PHF8: variants seen among roughly 807,000 people sequenced by gnomAD.
PHF8 encodes PHD finger protein 8, also known as histone lysine demethylase PHF8.
A neutral mutation model predicts 74.4 loss-of-function variants in PHF8; 9 were observed. The observed-to-expected ratio is 0.12, with a 90% CI of 0.07 to 0.21. The LOEUF is 0.21. PHF8 is among the 10% of genes least tolerant of loss of function. The pLI is 1.00. For missense variants in PHF8, 478 were observed against 816.6 expected, an observed-to-expected ratio of 0.59 and a Z score of 5.05; for synonymous variants, 311 against 316.6, an observed-to-expected ratio of 0.98 and a Z score of 0.19.
At chrX:53,989,715 C>T (rs1407525612) in intron 14 of PHF8, among the ~76,000 whole-genome samples, 1 of 111,811 alleles carries the variant, frequency 8.9e-6, no homozygotes, top group African/African-American at 3.3e-5. Context: ...TAAATTGATA[C>T]ATTTAGCAAC....
chrX:53,952,273 G>A (rs2064936977), intron 19 of PHF8, among the ~76,000 whole-genome samples: 1 of 98,973 alleles, frequency 1.0e-5, no homozygotes, highest in African/African-American at 4.0e-5. Flanking sequence ...GACAGTGCGA[G>A]ACTCTGTCTC....
chrX:54,029,244 C>T (rs1262399251), intron 2 of PHF8, among the ~76,000 whole-genome samples: 2 of 111,852 alleles, frequency 1.8e-5, no homozygotes, highest in African/African-American at 3.3e-5. Flanking sequence ...CCTACCCAAT[C>T]GGCCCTCCAC....
chrX:53,969,391 T>C (rs1283725879), intron 18 of PHF8, among the ~76,000 whole-genome samples: 1 of 107,424 alleles, frequency 9.3e-6, no homozygotes, highest in Admixed American at 9.9e-5. Context: ...AAACTTAAAA[T>C]ACCTGGGAAT....
chrX:53,981,069 C>G (rs2065472440), intron 18 of PHF8, among the ~76,000 whole-genome samples: 1 of 112,119 alleles, frequency 8.9e-6, no homozygotes, highest in Non-Finnish European at 1.9e-5. Flanking sequence ...AAAAAATTAG[C>G]CAGGCGTGGT....
At position 54,022,301 on chromosome X, in the gene PHF8, C is replaced by T. The variant is rs1347887893; in HGVS notation, c.251G>A (p.Ser84Asn). ...CCGGAGCTCTCTGACGAACGTAGGG[C>T]TCCCGGTCTTCACTGGTTTCCCCTT... ...THKGKPVKTG[S>N]PTFVRELRSR... Residue 84 changes from serine (S) to asparagine (N), a missense_variant, in exon 4 of 22, where the codon AGC becomes AAC. Ser to Asn is a conservative substitution (Grantham distance 46, BLOSUM62 1). Around this residue, in one of 9 missense-constraint regions of PHF8, gnomAD observed 28 missense variants for 33.4 expected, o/e 0.84. Coordinates refer to ENST00000338154, the MANE Select transcript of PHF8 (RefSeq NM_015107.3). 2 of 1,205,708 alleles carry T rather than the reference C, an allele frequency of 1.7e-6. No individual in the cohort carries two copies. Among genetic ancestry groups the T allele is most frequent in the Non-Finnish European group, 2.2e-6 (2 of 891,259 alleles).
At position 54,018,094 on chromosome X, in the gene PHF8, C is replaced by T; in HGVS notation, c.294-273G>A. Reference sequence around the variant, plus strand: ...CAACAGCCTGGCCAGAAAGAAAAGACACATCTGACAAGTTTGACAGATTTG... The same window carrying T: ...CAACAGCCTGGCCAGAAAGAAAAGATACATCTGACAAGTTTGACAGATTTG... On this transcript the variant is annotated intron_variant, in intron 4 of 21. Coordinates refer to ENST00000338154, the MANE Select transcript of PHF8 (RefSeq NM_015107.3). 2.7e-5 allele frequency among the ~76,000 whole-genome samples: 3 copies of T among 112,127 alleles called. No individual in the cohort carries two copies. In the South Asian group the frequency reaches 1.1e-3, roughly 42 times the overall value.
intron 1 of PHF8, 25 bp from the exon 2 acceptor site, chrX:54,042,845 A>G (rs936515901): frequency 3.8e-6 from 4 of 1,049,000 alleles, no homozygotes; most frequent in Non-Finnish European, 5.1e-6. Context: ...CACTTTTTAC[A>G]GAGTGAATCA....
chrX:53,989,341 A>C (rs1463773764), intron 14 of PHF8, among the ~76,000 whole-genome samples: 1 of 112,244 alleles, frequency 8.9e-6, no homozygotes, highest in Non-Finnish European at 1.9e-5. Flanking sequence ...AGAAGAAAAA[A>C]AAAATAACAA....
At chrX:54,023,223 T>C (rs1268246799) in intron 2 of PHF8, among the ~76,000 whole-genome samples, 1 of 111,331 alleles carries the variant, frequency 9.0e-6, no homozygotes, top group Non-Finnish European at 1.9e-5. Context: ...GTGATCCACC[T>C]GCCTCTGCCT....
At chrX:53,982,915 T>C (rs2065500860) in intron 18 of PHF8, among the ~76,000 whole-genome samples, 1 of 112,416 alleles carries the variant, frequency 8.9e-6, no homozygotes, top group Admixed American at 9.4e-5. Flanking sequence ...TAAAGATGGC[T>C]GGATGCAGTG....
At chrX:54,041,376 C>A (rs782304101) in intron 2 of PHF8, among the ~76,000 whole-genome samples, 1 of 101,702 alleles carries the variant, frequency 9.8e-6, no homozygotes, top group Admixed American at 1.1e-4. Flanking sequence ...AAGAGTGAGA[C>A]CTTGTCTCAA....
At chrX:54,033,986 A>T (rs2066407018) in intron 2 of PHF8, among the ~76,000 whole-genome samples, 1 of 112,169 alleles carries the variant, frequency 8.9e-6, no homozygotes, top group African/African-American at 3.2e-5. Flanking sequence ...AATAGAAGAT[A>T]TAGAAAAGAA....
intron 2 of PHF8, among the ~76,000 whole-genome samples, chrX:54,035,428 G>GC (rs1281320133): frequency 9.7e-6 from 1 of 103,530 alleles, no homozygotes; most frequent in Non-Finnish European, 2.0e-5. Context: ...AAGAGCAGTT[G>GC]CTTATGGTAA....
chrX:54,026,591 A>G (rs781912409), intron 2 of PHF8, among the ~76,000 whole-genome samples: 1 of 109,554 alleles, frequency 9.1e-6, no homozygotes, highest in African/African-American at 3.3e-5. Flanking sequence ...GAGTTCCTTA[A>G]TGTTTTTGTT....
chrX:53,944,104 T>C, intron 20 of PHF8, 30 bp downstream of exon 20: 1 of 933,734 alleles, frequency 1.1e-6, no homozygotes, highest in South Asian at 2.0e-5. Context: ...TGCTATTAGT[T>C]GCAGGGTGAC....
At position 53,969,990 on chromosome X, in the gene PHF8, G is replaced by T. The variant is rs2065268421; in HGVS notation, c.2444-7051C>A. 2.7e-5 allele frequency among the ~76,000 whole-genome samples: 3 copies of T among 112,248 alleles called. No homozygotes were observed. In the Admixed American group the frequency reaches 2.8e-4, roughly 11 times the overall value. On this transcript the variant is annotated intron_variant, in intron 18 of 21. Transcript: ENST00000338154. Reference sequence around the variant, plus strand: ...AAAATCAATTGAAAATGGATTAAAAGACTTAAATGTAAGACCTGAAACTAT... The same window carrying T: ...AAAATCAATTGAAAATGGATTAAAATACTTAAATGTAAGACCTGAAACTAT...
At chrX:54,011,396 C>A in intron 7 of PHF8, 112 bp from the exon 8 acceptor site, 1 of 624,806 alleles carries the variant, frequency 1.6e-6, no homozygotes, top group South Asian at 2.4e-5. Context: ...GGCAATATGC[C>A]AGAGTTCTTG....
rs1557104449 is a variant in PHF8, at chrX:54,002,659, G to A, written c.970C>T (p.Pro324Ser). Residue 324 changes from proline to serine, a missense_variant, in exon 9 of 22, where the codon CCT (proline) becomes TCT (serine). Physicochemically the swap from Pro to Ser is moderately conservative, Grantham distance 74 (BLOSUM62 -1). Transcript: ENST00000338154. Reference sequence around the variant, plus strand: ...CCTCCAAAGGCAAGGCAGTCCACAGGCGTCAGCACAGCATGGATCCACCCT... The same window carrying A: ...CCTCCAAAGGCAAGGCAGTCCACAGACGTCAGCACAGCATGGATCCACCCT... ...PTGWIHAVLT[P>S]VDCLAFGGNF... 8.3e-7 allele frequency: 1 copy of A among 1,202,799 alleles called. No individual in the cohort carries two copies. The highest frequency in any genetic ancestry group is 1.1e-6 in the Non-Finnish European group (1 of 887,430).
At chrX:54,028,679 G>A (rs2066308160) in intron 2 of PHF8, among the ~76,000 whole-genome samples, 1 of 111,681 alleles carries the variant, frequency 9.0e-6, no homozygotes, top group Admixed American at 9.5e-5. Flanking sequence ...CCTTCTGTCT[G>A]TCACCTAAAC....
Sources: allele counts gnomAD v4.1 joint callset (sites outside exome capture counted in the v4.1 genomes callset), GRCh38; gene constraint gnomAD v4.1.1; regional missense constraint gnomAD v4.1.1; transcripts MANE v1.5; gene names NCBI Gene and HGNC (gene_info 2026-07-23, HGNC 2026-07-21).